The following UBE2E2 variants were observed in gnomAD, a reference collection of about 807,000 sequenced individuals.
UBE2E2 encodes the protein ubiquitin conjugating enzyme E2 E2, also known as ubiquitin-conjugating enzyme E2 E2.
In UBE2E2, 6 loss-of-function variants were observed where a neutral mutation model predicts 24.7. The observed-to-expected ratio is 0.24, with a 90% CI of 0.13 to 0.48. The LOEUF (loss-of-function observed/expected upper bound fraction) is 0.48. Among genes scored for constraint, UBE2E2 ranks in the 20% least tolerant of loss-of-function variants. The pLI, the probability that UBE2E2 is intolerant of heterozygous loss-of-function variation, is 0.99. For missense variants in UBE2E2, 169 were observed against 245.0 expected, an observed-to-expected ratio of 0.69 and a Z score of 2.07; for synonymous variants, 104 against 83.6, an observed-to-expected ratio of 1.24 and a Z score of -1.33.
chr3:23,399,056 T>C (rs1375479497), intron 3 of UBE2E2, among the ~76,000 whole-genome samples: 2 of 152,186 alleles, frequency 1.3e-5, no homozygotes, highest in Non-Finnish European at 2.9e-5. Context: ...ACATTTCTCA[T>C]GTCTTCCACT....
intron 5 of UBE2E2, among the ~76,000 whole-genome samples, chr3:23,584,452 A>G (rs1166857367): frequency 2.0e-5 from 3 of 151,952 alleles, no homozygotes; most frequent in African/African-American, 7.3e-5. Context: ...CATCCATTAA[A>G]GAGGCAAGGT....
chr3:23,208,883 A>G lies in UBE2E2; in HGVS notation c.176+8A>G, dbSNP rs1696232449. Reference sequence around the variant, plus strand: ...GTCAACTAGTGCTAAAAGGTACTTCAGTTATTATAACCTTTTTATTGTTGG... The same window carrying G: ...GTCAACTAGTGCTAAAAGGTACTTCGGTTATTATAACCTTTTTATTGTTGG... On this transcript the variant is annotated splice_region_variant and intron_variant, in intron 2 of 5. Coordinates refer to ENST00000396703, the MANE Select transcript of UBE2E2 (RefSeq NM_152653.4). The G allele has an allele frequency of 1.2e-6, 2 of 1,603,864 alleles. No individual in the cohort carries two copies. Among genetic ancestry groups the G allele is most frequent in the Non-Finnish European group, 8.5e-7 (1 of 1,175,172 alleles).
chr3:23,236,657 G>A (rs1211512025), intron 3 of UBE2E2, among the ~76,000 whole-genome samples: 2 of 152,028 alleles, frequency 1.3e-5, no homozygotes, highest in African/African-American at 4.8e-5. Flanking sequence ...AAGTGTGGTC[G>A]ACATATATTC....
At chr3:23,588,292 A>G (rs11918529) in intron 5 of UBE2E2, among the ~76,000 whole-genome samples, 104,712 of 152,088 alleles carry the variant, frequency 0.69, 37,678 homozygotes, top group African/African-American at 0.92. Context: ...TAGGGGAAAT[A>G]TAAATCGGGG....
At chr3:23,353,408 A>G (rs576643114) in intron 3 of UBE2E2, among the ~76,000 whole-genome samples, 2,245 of 152,184 alleles carry the variant, frequency 0.015, 54 homozygotes, top group African/African-American at 0.051. Context: ...GGAGAAGGAA[A>G]TAAAGGGTAT....
intron 3 of UBE2E2, among the ~76,000 whole-genome samples, chr3:23,328,725 G>A (rs1016461899): frequency 2.0e-5 from 3 of 150,826 alleles, no homozygotes; most frequent in Non-Finnish European, 2.9e-5. Context: ...GCAGTGGCGC[G>A]ATCTTGACTC....
chr3:23,555,101 G>C (rs766850024), intron 5 of UBE2E2, among the ~76,000 whole-genome samples: 26 of 151,960 alleles, frequency 1.7e-4, no homozygotes, highest in Non-Finnish European at 3.5e-4. Flanking sequence ...ATTTTTGGTA[G>C]AGATAGGATT....
At chr3:23,310,900 C>T (rs1440464691) in intron 3 of UBE2E2, among the ~76,000 whole-genome samples, 3 of 151,990 alleles carry the variant, frequency 2.0e-5, no homozygotes, top group Non-Finnish European at 2.9e-5. Context: ...GGTACATGTG[C>T]ACAACATGCA....
chr3:23,296,519 T>C (rs1311868667), intron 3 of UBE2E2, among the ~76,000 whole-genome samples: 2 of 152,184 alleles, frequency 1.3e-5, no homozygotes, highest in Non-Finnish European at 2.9e-5. Flanking sequence ...CCATGTGTTC[T>C]CATTGTTCAA....
In UBE2E2 at chr3:23,580,789, C is replaced by T. The variant is rs534222176; in HGVS notation, c.509-8945C>T. On this transcript the variant is annotated intron_variant, in intron 5 of 5. Coordinates refer to ENST00000396703, the MANE Select transcript of UBE2E2 (RefSeq NM_152653.4). ...CAGGTAAAAAAGTAGAAAAGGTTAT[C>T]CCAGGCAGAGGAACCAACATAAGCA... 1.3e-4 allele frequency among the ~76,000 whole-genome samples: 20 copies of T among 152,246 alleles called. No homozygotes were observed. The South Asian group carries it at 3.9e-3, about 30-fold the overall frequency.
At chr3:23,554,714 A>T (rs1380873618) in intron 5 of UBE2E2, among the ~76,000 whole-genome samples, 3 of 152,164 alleles carry the variant, frequency 2.0e-5, no homozygotes, top group Admixed American at 6.5e-5. Flanking sequence ...AAAAGCAAAA[A>T]TAAATAAATG....
At chr3:23,310,488 C>T (rs1382051517) in intron 3 of UBE2E2, among the ~76,000 whole-genome samples, 2 of 152,084 alleles carry the variant, frequency 1.3e-5, no homozygotes, top group African/African-American at 4.8e-5. Flanking sequence ...ACCAGGTTTA[C>T]TGCAGTGTGG....
intron 3 of UBE2E2, among the ~76,000 whole-genome samples, chr3:23,266,387 A>C (rs1469472197): frequency 6.6e-6 from 1 of 152,072 alleles, no homozygotes; most frequent in Non-Finnish European, 1.5e-5. Context: ...AAAGGATTTT[A>C]TTTCTCCTTC....
intron 3 of UBE2E2, among the ~76,000 whole-genome samples, chr3:23,226,858 AT>A (rs1159823788): frequency 6.6e-6 from 1 of 151,952 alleles, no homozygotes; most frequent in Non-Finnish European, 1.5e-5. Context: ...ATAGAAATTA[AT>A]TTGTAATATG....
chr3:23,429,661 G>A (rs1698008924), intron 3 of UBE2E2, among the ~76,000 whole-genome samples: 2 of 152,156 alleles, frequency 1.3e-5, no homozygotes, highest in African/African-American at 4.8e-5. Flanking sequence ...TGTACTAGAA[G>A]TCCTAGCTAA....
At chr3:23,252,622 C>A (rs561830534) in intron 3 of UBE2E2, among the ~76,000 whole-genome samples, 21 of 152,280 alleles carry the variant, frequency 1.4e-4, no homozygotes, top group Middle Eastern at 3.4e-3. Context: ...TCAGCCTCCT[C>A]AGTAGCTGGG....
intron 3 of UBE2E2, among the ~76,000 whole-genome samples, chr3:23,273,544 A>G (rs1698306079): frequency 2.1e-5 from 3 of 143,976 alleles, no homozygotes; most frequent in South Asian, 4.5e-4. Context: ...AAAAAAAAAA[A>G]GAGAGAGAAA....
At chr3:23,555,169 G>A (rs752938012) in intron 5 of UBE2E2, among the ~76,000 whole-genome samples, 3 of 151,982 alleles carry the variant, frequency 2.0e-5, no homozygotes, top group South Asian at 2.1e-4. Flanking sequence ...CACCCGCCTC[G>A]GCCTCAAAGT....
chr3:23,361,286 C>CA (rs1333579704), intron 3 of UBE2E2, among the ~76,000 whole-genome samples: 1 of 152,148 alleles, frequency 6.6e-6, no homozygotes. Flanking sequence ...TTAAAGAACT[C>CA]AAAGTAGAAC....
Sources: gnomAD v4.1 joint callset for allele counts (sites outside exome capture counted in the v4.1 genomes callset) on GRCh38, gnomAD v4.1.1 for gene constraint, MANE v1.5 for transcripts, NCBI Gene and HGNC (gene_info 2026-07-23, HGNC 2026-07-21) for gene names.